SLC44A1: variants seen among roughly 807,000 people sequenced by gnomAD.
SLC44A1 encodes the protein solute carrier family 44 member 1.
A neutral mutation model predicts 79.3 loss-of-function variants in SLC44A1; 26 were observed. The observed-to-expected ratio is 0.33, with a 90% confidence interval of 0.24 to 0.46. The LOEUF (loss-of-function observed/expected upper bound fraction) is 0.46, where lower values mean the gene tolerates loss of function less well. Ranked by LOEUF, SLC44A1 falls within the 20% of genes least tolerant of loss-of-function variation. The pLI, the probability that SLC44A1 is intolerant of heterozygous loss-of-function variation, is 1.00. For synonymous variants in SLC44A1, 263 were observed against 286.2 expected (o/e 0.92, Z 0.82); for missense variants, 688 against 798.1 (o/e 0.86, Z 1.66).
intron 15 of SLC44A1, among the ~76,000 whole-genome samples, chr9:105,411,735 G>C (rs541298662): frequency 5.8e-4 from 89 of 152,172 alleles, no homozygotes; most frequent in African/African-American, 2.1e-3. Flanking sequence ...TTTGTCTAAA[G>C]CTTCCTCATG....
intron 3 of SLC44A1, among the ~76,000 whole-genome samples, chr9:105,323,765 T>C (rs908999557): frequency 1.3e-5 from 2 of 152,212 alleles, no homozygotes; most frequent in African/African-American, 4.8e-5. Flanking sequence ...ACTGCTTAAA[T>C]TTTTTCTCAG....
chr9:105,412,243 CAAAT>C (rs974111754), intron 15 of SLC44A1, among the ~76,000 whole-genome samples: 6 of 152,152 alleles, frequency 3.9e-5, no homozygotes, highest in African/African-American at 7.2e-5. Context: ...GATTATTCAT[CAAAT>C]AAATAAATAT....
chr9:105,275,307 G>A lies in SLC44A1; in HGVS notation c.37-23913G>A, dbSNP rs968481032. On this transcript the variant is annotated intron_variant, in intron 1 of 15. Coordinates refer to ENST00000374720, the MANE Select transcript of SLC44A1 (RefSeq NM_080546.5). ...AAAATAATGTGTTTTACAGCATCAG[G>A]GATTGTAAACAAGTTCCAAAGTTGA... Among the ~76,000 whole-genome samples the A allele has an allele frequency of 3.9e-5, 6 of 152,128 alleles. No individual in the cohort carries two copies. The East Asian group carries it at 5.8e-4, about 15-fold the overall frequency.
chr9:105,419,109 T>C (rs7032034), intron 15 of SLC44A1, among the ~76,000 whole-genome samples: 13,854 of 152,004 alleles, frequency 0.091, 2,087 homozygotes, highest in African/African-American at 0.32. Context: ...AAGAAAAAGA[T>C]TTACAAGCTG....
chr9:105,308,732 T>C (rs1246675534), intron 2 of SLC44A1, among the ~76,000 whole-genome samples: 4 of 152,210 alleles, frequency 2.6e-5, no homozygotes, highest in African/African-American at 9.6e-5. Flanking sequence ...TAAATAATGA[T>C]AGTCTCTGCC....
At chr9:105,357,759 A>G (rs1827664255) in intron 6 of SLC44A1, among the ~76,000 whole-genome samples, 1 of 152,170 alleles carries the variant, frequency 6.6e-6, no homozygotes, top group Admixed American at 6.5e-5. Flanking sequence ...GAAATTAGAC[A>G]GAGGAAATTC....
At chr9:105,303,823 A>T (rs972019290) in intron 2 of SLC44A1, among the ~76,000 whole-genome samples, 1 of 152,230 alleles carries the variant, frequency 6.6e-6, no homozygotes, top group Non-Finnish European at 1.5e-5. Flanking sequence ...TGGTCTCATC[A>T]GTATCTCAGG....
At chr9:105,378,531 T>C (rs117150598) in intron 13 of SLC44A1, among the ~76,000 whole-genome samples, 6,956 of 152,244 alleles carry the variant, frequency 0.046, 214 homozygotes, top group South Asian at 0.1. Context: ...ATTAGGGTTC[T>C]TGATGTGCAT....
intron 13 of SLC44A1, among the ~76,000 whole-genome samples, chr9:105,378,421 C>G (rs1258241123): frequency 1.3e-5 from 2 of 152,144 alleles, no homozygotes; most frequent in Non-Finnish European, 2.9e-5. Context: ...TACAGTTGAG[C>G]TGTGCTCAAT....
intron 1 of SLC44A1, among the ~76,000 whole-genome samples, chr9:105,274,297 CCCT>C (rs1257301128): frequency 1.3e-5 from 2 of 152,166 alleles, no homozygotes; most frequent in African/African-American, 4.8e-5. Context: ...CTGGACTGTG[CCCT>C]CAGTTTACTC....
At position 105,393,721 on chromosome 9, in the gene SLC44A1, T is replaced by C. The variant is rs1052960283; in HGVS notation, c.*4665T>C. 5.1e-6 allele frequency: 5 copies of C among 984,954 alleles called. No individual in the cohort carries two copies. The highest frequency in any genetic ancestry group is 3.6e-6 in the Non-Finnish European group (3 of 829,488). 61.0% of individuals were successfully genotyped at this position (984,954 alleles called of 1,614,324 possible). A position where few individuals can be genotyped will look rare whatever the true frequency, so the allele number is the denominator to read the frequency against. ...TGAACAATTGCCACTTTGTAAATTA[T>C]ATGGACAGAATGTGTTCTAAGGAAA... On this transcript the variant is annotated 3_prime_UTR_variant, in exon 16 of 16. Coordinates refer to ENST00000374720, the MANE Select transcript of SLC44A1 (RefSeq NM_080546.5).
At chr9:105,335,391 AT>A (rs1449233851) in intron 3 of SLC44A1, among the ~76,000 whole-genome samples, 171 bp from the exon 4 acceptor site, 1 of 152,172 alleles carries the variant, frequency 6.6e-6, no homozygotes, top group African/African-American at 2.4e-5. Context: ...CAATTCCCCT[AT>A]TCCCACTGTT....
intron 14 of SLC44A1, among the ~76,000 whole-genome samples, chr9:105,384,106 A>T (rs1015358105): frequency 6.6e-6 from 1 of 152,222 alleles, no homozygotes; most frequent in Non-Finnish European, 1.5e-5. Context: ...AGCATTATAC[A>T]TTGAAATAAC....
chr9:105,332,698 A>G (rs1390316732), intron 3 of SLC44A1, among the ~76,000 whole-genome samples: 2 of 152,152 alleles, frequency 1.3e-5, no homozygotes, highest in Admixed American at 6.5e-5. Flanking sequence ...ACCCTTAGTC[A>G]TGAATACTCC....
intron 3 of SLC44A1, among the ~76,000 whole-genome samples, chr9:105,312,803 T>C (rs1831215444): frequency 6.6e-6 from 1 of 152,230 alleles, no homozygotes; most frequent in Non-Finnish European, 1.5e-5. Flanking sequence ...TAGCCTTTCA[T>C]GAAGACTGTT....
At chr9:105,294,341 AT>A (rs1830669270) in intron 1 of SLC44A1, among the ~76,000 whole-genome samples, 1 of 151,896 alleles carries the variant, frequency 6.6e-6, no homozygotes, top group South Asian at 2.1e-4. Context: ...TTTCCTTAAC[AT>A]TTCTTACAGT....
chr9:105,366,642 TTTTAGG>T (rs1827950880), intron 12 of SLC44A1, among the ~76,000 whole-genome samples: 1 of 152,150 alleles, frequency 6.6e-6, no homozygotes, highest in African/African-American at 2.4e-5. Context: ...TTTTTCCAAC[TTTTAGG>T]TTTAGGGAGT....
chr9:105,266,309 T>C (rs528256833), intron 1 of SLC44A1, among the ~76,000 whole-genome samples: 14 of 152,256 alleles, frequency 9.2e-5, no homozygotes, highest in African/African-American at 3.4e-4. Context: ...TATAAGTGAG[T>C]TCGCTTCTCA....
chr9:105,258,858 TTG>T (rs1829774125), intron 1 of SLC44A1, among the ~76,000 whole-genome samples: 1 of 151,790 alleles, frequency 6.6e-6, no homozygotes, highest in Admixed American at 6.6e-5. Context: ...TGGCTAATTT[TTG>T]TTTTTGTTTT....
Sources: allele counts gnomAD v4.1 joint callset (sites outside exome capture counted in the v4.1 genomes callset), GRCh38; gene constraint gnomAD v4.1.1; transcripts MANE v1.5; gene names NCBI Gene and HGNC (gene_info 2026-07-23, HGNC 2026-07-21).